ASPRV1: variants seen among roughly 807,000 people sequenced by gnomAD.
ASPRV1 encodes the protein aspartic peptidase retroviral like 1, also known as retroviral-like aspartic protease 1.
Under a neutral mutation model 11.0 loss-of-function variants are expected in ASPRV1, and 7 were observed. That is an observed-to-expected ratio of 0.64 (90% CI 0.36 to 1.20). The LOEUF is 1.20. ASPRV1 is among the 50% of genes most tolerant of loss of function. ASPRV1 has a pLI of 0.02. For synonymous variants in ASPRV1, 136 were observed against 138.4 expected, an observed-to-expected ratio of 0.98 and a Z score of 0.12; for missense variants, 299 against 320.0, an observed-to-expected ratio of 0.93 and a Z score of 0.50.
the ASPRV1 span, among the ~76,000 whole-genome samples, chr2:70,063,039 A>G: frequency 6.6e-6 from 1 of 152,196 alleles, no homozygotes; most frequent in African/African-American, 2.4e-5. Flanking sequence ...TGACCAGGCC[A>G]TAGACTGCCC....
chr2:69,967,188 G>A, the ASPRV1 span, among the ~76,000 whole-genome samples: 7 of 152,168 alleles, frequency 4.6e-5, no homozygotes, highest in African/African-American at 1.7e-4. Context: ...TTGGAGAGAT[G>A]AATCAGACCT....
the ASPRV1 span, among the ~76,000 whole-genome samples, chr2:69,973,460 C>T: frequency 6.6e-5 from 10 of 152,096 alleles, no homozygotes; most frequent in African/African-American, 1.9e-4. Context: ...TAACCACAAA[C>T]GCCTGGGCTC....
the ASPRV1 span, among the ~76,000 whole-genome samples, chr2:70,040,770 G>C: frequency 8.5e-4 from 129 of 151,268 alleles, no homozygotes; most frequent in African/African-American, 3.0e-3. Context: ...GGAGGCAGAG[G>C]TTTCAGTGAG....
the ASPRV1 span, among the ~76,000 whole-genome samples, chr2:70,044,511 G>C: frequency 6.6e-6 from 1 of 152,238 alleles, no homozygotes; most frequent in Admixed American, 6.5e-5. Context: ...CCAGGCTAGA[G>C]TGCAATGACA....
At chr2:69,970,484 T>C in the ASPRV1 span, among the ~76,000 whole-genome samples, 1 of 152,132 alleles carries the variant, frequency 6.6e-6, no homozygotes. Context: ...TCTCATACCT[T>C]TTCACAAGCC....
chr2:70,045,661 G>C, the ASPRV1 span: 1 of 152,178 alleles, frequency 6.6e-6, no homozygotes, highest in African/African-American at 2.4e-5. Flanking sequence ...GGCGGTTTCT[G>C]CATTTAAAAA....
chr2:70,065,819 C>CAAAAAAA, the ASPRV1 span, among the ~76,000 whole-genome samples: 6 of 67,446 alleles, frequency 8.9e-5, no homozygotes, highest in African/African-American at 3.0e-4. Flanking sequence ...GCTTTTGACT[C>CAAAAAAA]AAAAAAAAAA....
chr2:70,026,914 C>T, the ASPRV1 span, among the ~76,000 whole-genome samples: 1 of 152,128 alleles, frequency 6.6e-6, no homozygotes, highest in East Asian at 1.9e-4. Context: ...GCAGAAAGAA[C>T]AAAACTAGAG....
At chr2:70,071,289 T>C in the ASPRV1 span, among the ~76,000 whole-genome samples, 6 of 152,332 alleles carry the variant, frequency 3.9e-5, no homozygotes, top group South Asian at 1.0e-3. Flanking sequence ...TAGGGAGAAG[T>C]AGAAATTGTT....
chr2:70,062,338 AGAT>A, the ASPRV1 span, among the ~76,000 whole-genome samples: 1 of 152,268 alleles, frequency 6.6e-6, no homozygotes, highest in East Asian at 1.9e-4. Flanking sequence ...TCTGGAGACC[AGAT>A]GACTGGTGTC....
At chr2:70,024,175 T>C in the ASPRV1 span, among the ~76,000 whole-genome samples, 1 of 151,626 alleles carries the variant, frequency 6.6e-6, no homozygotes, top group Non-Finnish European at 1.5e-5. Context: ...AGTAAGACTA[T>C]GAAAAATTTA....
the ASPRV1 span, among the ~76,000 whole-genome samples, chr2:69,972,065 C>A: frequency 6.6e-5 from 10 of 151,808 alleles, no homozygotes; most frequent in African/African-American, 2.4e-4. Context: ...GTTTTCTTTA[C>A]CATTTTTTTT....
chr2:70,003,111 G>A, the ASPRV1 span: 1 of 152,242 alleles, frequency 6.6e-6, no homozygotes, highest in South Asian at 2.1e-4. Flanking sequence ...ATCAGGAAGA[G>A]GCCAGACAAC....
the ASPRV1 span, among the ~76,000 whole-genome samples, chr2:69,968,000 T>C: frequency 6.6e-6 from 1 of 152,250 alleles, no homozygotes; most frequent in African/African-American, 2.4e-5. Flanking sequence ...GAGAATTGCT[T>C]GAACCCAGAA....
At chr2:70,023,013 T>G in the ASPRV1 span, among the ~76,000 whole-genome samples, 6 of 152,044 alleles carry the variant, frequency 3.9e-5, no homozygotes, top group African/African-American at 1.4e-4. Flanking sequence ...TACAGAATCA[T>G]AAAATCCTAA....
chr2:69,965,527 A>G (rs1678311103), upstream of ASPRV1, among the ~76,000 whole-genome samples: 1 of 152,212 alleles, frequency 6.6e-6, no homozygotes, highest in East Asian at 1.9e-4. Context: ...GTGTTGGGCC[A>G]CATTCAAAGC....
At chr2:70,066,626 C>A in the ASPRV1 span, among the ~76,000 whole-genome samples, 2 of 151,516 alleles carry the variant, frequency 1.3e-5, no homozygotes, top group East Asian at 3.9e-4. Context: ...GAGACAAGGT[C>A]TCCCTCTGTC....
chr2:69,979,339 G>GT, the ASPRV1 span, among the ~76,000 whole-genome samples: 2 of 152,112 alleles, frequency 1.3e-5, no homozygotes, highest in Non-Finnish European at 2.9e-5. Context: ...GGCCAGGGAC[G>GT]TTTGAGTTTC....
At chr2:69,940,321 C>T in the ASPRV1 span, 3 of 152,254 alleles carry the variant, frequency 2.0e-5, no homozygotes, top group South Asian at 6.2e-4. Context: ...AAAGATATGT[C>T]TGCACTTTGA....
Sources: allele counts gnomAD v4.1 joint callset (sites outside exome capture counted in the v4.1 genomes callset), GRCh38; gene constraint gnomAD v4.1.1; transcripts MANE v1.5; gene names NCBI Gene and HGNC (gene_info 2026-07-23, HGNC 2026-07-21).